ERC2: variants seen among roughly 807,000 people sequenced by gnomAD.
ERC2 encodes the protein ERC protein 2.
A neutral mutation model predicts 114.8 loss-of-function variants in ERC2; 42 were observed. That is an observed-to-expected ratio of 0.37 (90% CI 0.29 to 0.47). The LOEUF (loss-of-function observed/expected upper bound fraction) is 0.47, where lower values mean the gene tolerates loss of function less well. ERC2 is among the 20% of genes least tolerant of loss of function. The pLI, the probability that ERC2 is intolerant of heterozygous loss-of-function variation, is 0.99. For synonymous variants in ERC2, 454 were observed against 425.5 expected, an observed-to-expected ratio of 1.07 and a Z score of -0.82; for missense variants, 939 against 1,150.7, an observed-to-expected ratio of 0.82 and a Z score of 2.66.
intron 7 of ERC2, among the ~76,000 whole-genome samples, chr3:56,077,726 A>T (rs528712546): frequency 7.2e-5 from 11 of 152,250 alleles, no homozygotes; most frequent in East Asian, 1.9e-4. Flanking sequence ...AAGTGAAATT[A>T]AAAAAAGGCT....
chr3:56,115,207 T>C (rs2079159892), intron 6 of ERC2, among the ~76,000 whole-genome samples: 1 of 152,170 alleles, frequency 6.6e-6, no homozygotes, highest in Admixed American at 6.5e-5. Flanking sequence ...CCTGTCTTGA[T>C]GAATTGGCTC....
At chr3:55,875,092 G>T (rs776918880) in intron 14 of ERC2, among the ~76,000 whole-genome samples, 3 of 152,158 alleles carry the variant, frequency 2.0e-5, no homozygotes, top group Non-Finnish European at 4.4e-5. Flanking sequence ...AAAATGACCA[G>T]GAGAGGGGAA....
intron 3 of ERC2, among the ~76,000 whole-genome samples, chr3:56,237,422 T>C (rs1340454193): frequency 6.6e-6 from 1 of 152,148 alleles, no homozygotes; most frequent in African/African-American, 2.4e-5. Context: ...TATCCACCCT[T>C]TGATCAGGGA....
intron 14 of ERC2, among the ~76,000 whole-genome samples, chr3:55,812,382 C>T (rs2059751578): frequency 6.6e-6 from 1 of 152,130 alleles, no homozygotes; most frequent in Non-Finnish European, 1.5e-5. Context: ...TTCAAATAAT[C>T]CATTAATGTG....
intron 7 of ERC2, among the ~76,000 whole-genome samples, chr3:56,040,569 A>ATATACGTATACATATACATATACATG (rs2075073179): frequency 1.2e-3 from 1 of 846 alleles, no homozygotes; most frequent in Non-Finnish European, 3.8e-3. Flanking sequence ...ATAGAGATGT[A>ATATACGTATACATATACATATACATG]TATATGTATA....
intron 3 of ERC2, among the ~76,000 whole-genome samples, chr3:56,266,435 C>A (rs929319225): frequency 8.6e-5 from 13 of 152,036 alleles, no homozygotes; most frequent in African/African-American, 3.1e-4. Flanking sequence ...CAGCAAATAA[C>A]CAGATTTTTA....
intron 17 of ERC2, among the ~76,000 whole-genome samples, chr3:55,633,739 G>T (rs995921390): frequency 1.3e-5 from 2 of 152,198 alleles, no homozygotes; most frequent in African/African-American, 4.8e-5. Flanking sequence ...CTTACATTCT[G>T]CTGAGTCCAG....
At chr3:55,778,984 G>T (rs1162631519) in intron 14 of ERC2, among the ~76,000 whole-genome samples, 1 of 151,958 alleles carries the variant, frequency 6.6e-6, no homozygotes, top group Admixed American at 6.6e-5. Context: ...CATATAAGTA[G>T]ATGAAATGGA....
intron 17 of ERC2, among the ~76,000 whole-genome samples, chr3:55,671,171 A>C (rs2061542886): frequency 6.6e-6 from 1 of 152,232 alleles, no homozygotes; most frequent in South Asian, 2.1e-4. Context: ...TAACAGATGA[A>C]CATTTGCAAT....
chr3:55,859,386 C>G (rs1272587748), intron 14 of ERC2, among the ~76,000 whole-genome samples: 2 of 151,972 alleles, frequency 1.3e-5, no homozygotes, highest in African/African-American at 4.8e-5. Flanking sequence ...AGGGCTTCAA[C>G]AGCAGTGTGG....
intron 17 of ERC2, among the ~76,000 whole-genome samples, chr3:55,517,450 A>C (rs1241849391): frequency 3.6e-5 from 5 of 137,874 alleles, no homozygotes; most frequent in South Asian, 4.4e-4. Context: ...CCGTCTCAAA[A>C]AAAAAAAAAA....
chr3:55,844,200 C>G (rs1468016419), intron 14 of ERC2, among the ~76,000 whole-genome samples: 1 of 152,150 alleles, frequency 6.6e-6, no homozygotes, highest in African/African-American at 2.4e-5. Flanking sequence ...TGCCTTTCTA[C>G]TCCTTGGTAT....
chr3:55,513,423 T>C (rs2052243946), intron 17 of ERC2, among the ~76,000 whole-genome samples: 1 of 152,186 alleles, frequency 6.6e-6, no homozygotes, highest in Admixed American at 6.5e-5. Flanking sequence ...TCTCTCTATC[T>C]AACATGATTT....
In ERC2 at chr3:56,285,028, CACAT is replaced by C. The variant is rs879203130; in HGVS notation, c.1074+10987_1074+10990del. ...TCTCTCTCTCACACACACACACACACACATACACACACACACACACACACACACA... is the reference window on the plus strand; with the variant it reads ...TCTCTCTCTCACACACACACACACACACACACACACACACACACACACACA... On this transcript the variant is annotated intron_variant, in intron 3 of 17. Transcript: ENST00000288221. Among the ~76,000 whole-genome samples the C allele has an allele frequency of 5.7e-3, 642 of 113,328 alleles. 4 individuals carry two copies. The highest frequency in any genetic ancestry group is 0.017 in the African/African-American group (505 of 29,296). The allele number at this position is 113,328 out of a possible 152,430, so 74.3% of individuals were successfully genotyped here.
intron 17 of ERC2, among the ~76,000 whole-genome samples, chr3:55,579,441 C>T (rs2057148555): frequency 1.3e-5 from 2 of 152,164 alleles, no homozygotes; most frequent in African/African-American, 4.8e-5. Context: ...TGCTGGGAGA[C>T]ATATTTGCCC....
intron 14 of ERC2, among the ~76,000 whole-genome samples, chr3:55,745,241 T>C (rs2066233768): frequency 6.6e-6 from 1 of 152,172 alleles, no homozygotes; most frequent in South Asian, 2.1e-4. Context: ...TCTATAACTG[T>C]CCAATATCAT....
chr3:55,667,709 C>A (rs1460262368), intron 17 of ERC2, among the ~76,000 whole-genome samples: 1 of 152,192 alleles, frequency 6.6e-6, no homozygotes, highest in Non-Finnish European at 1.5e-5. Context: ...ACTCACTTTG[C>A]CCCCCAACAA....
chr3:55,822,599 C>T (rs2060172312), intron 14 of ERC2, among the ~76,000 whole-genome samples: 3 of 139,872 alleles, frequency 2.1e-5, no homozygotes. Flanking sequence ...GAGTCTCGCT[C>T]TGTCGCCCAG....
At chr3:55,652,658 G>A (rs999412500) in intron 17 of ERC2, among the ~76,000 whole-genome samples, 1 of 152,082 alleles carries the variant, frequency 6.6e-6, no homozygotes, top group African/African-American at 2.4e-5. Flanking sequence ...TGGATCATAA[G>A]GTCATGAGTT....
Sources: gnomAD v4.1 joint callset for allele counts (sites outside exome capture counted in the v4.1 genomes callset) on GRCh38, gnomAD v4.1.1 for gene constraint, MANE v1.5 for transcripts, NCBI Gene and HGNC (gene_info 2026-07-23, HGNC 2026-07-21) for gene names.